The following SPINDOC variants were observed in gnomAD, a reference collection of about 807,000 sequenced individuals.
SPINDOC encodes the protein spindlin interactor and repressor of chromatin binding, also known as spindlin interactor and repressor of chromatin-binding protein.
SPINDOC carries 13 observed loss-of-function variants against 30.7 expected under a neutral mutation model. The observed-to-expected ratio is 0.42, with a 90% CI of 0.28 to 0.67. The LOEUF (loss-of-function observed/expected upper bound fraction) is 0.67, where lower values mean the gene tolerates loss of function less well. Among genes scored for constraint, SPINDOC ranks in the 30% least tolerant of loss-of-function variants. The pLI, the probability that SPINDOC is intolerant of heterozygous loss-of-function variation, is 0.22. For missense variants in SPINDOC, 438 were observed against 518.0 expected (o/e 0.85, Z 1.50); for synonymous variants, 228 against 211.4 (o/e 1.08, Z -0.68).
chr11:63,821,646 C>G (rs896509900), intron 5 of SPINDOC, among the ~76,000 whole-genome samples: 1 of 152,190 alleles, frequency 6.6e-6, no homozygotes, highest in Non-Finnish European at 1.5e-5. Flanking sequence ...GTGCACGTCT[C>G]CTTGTACCAA....
rs1248651479 is a variant in SPINDOC, at chr11:63,818,183, A to G, written c.458-33A>G. On this transcript the variant is annotated intron_variant, in intron 2 of 5. Coordinates refer to ENST00000294244, the MANE Select transcript of SPINDOC (RefSeq NM_138471.3). The surrounding 1 kb of genome is among the most constrained non-coding windows in gnomAD (Gnocchi z 5.3). ...AGGGAGAAGTCGGACTTGTTGGGGCACTAGAAGCTCATTGTGCTCTTGCTC... is the reference window on the plus strand; with the variant it reads ...AGGGAGAAGTCGGACTTGTTGGGGCGCTAGAAGCTCATTGTGCTCTTGCTC... 2.5e-6 allele frequency: 4 copies of G among 1,613,480 alleles called. No homozygotes were observed. The East Asian group carries it at 6.7e-5, about 27-fold the overall frequency.
intron 5 of SPINDOC, among the ~76,000 whole-genome samples, chr11:63,819,402 G>C (rs575783167): frequency 1.3e-5 from 2 of 151,530 alleles, no homozygotes; most frequent in African/African-American, 4.8e-5. Flanking sequence ...GTAGAGACAG[G>C]GTTTTCCCAT....
At chr11:63,822,647 A>G (rs1565078850) in intron 5 of SPINDOC, 3 of 1,288,902 alleles carry the variant, frequency 2.3e-6, no homozygotes, top group Non-Finnish European at 3.0e-6. Context: ...CTTGAGTCAC[A>G]TTCCAGTCCT....
Position 63,817,962 on chromosome 11 carries a change from C to T in SPINDOC, c.285C>T (p.Gly95=), listed in dbSNP as rs1229538990. ...GSGRALCMVC[G]AEIRAPSADT... ...GGCGGGCACTGTGCATGGTGTGTGG[C>T]GCTGAGATCCGGGCACCCTCGGCCG... The change falls in exon 2 of 6, where the codon GGC becomes GGT. Residue 95 remains glycine (G), a synonymous_variant. Transcript: ENST00000294244. 17 of 1,613,976 alleles carry T rather than the reference C, an allele frequency of 1.1e-5. No individual in the cohort carries two copies. Among genetic ancestry groups the T allele is most frequent in the Middle Eastern group, 1.6e-4 (1 of 6,084 alleles).
intron 1 of SPINDOC, among the ~76,000 whole-genome samples, chr11:63,816,166 G>C (rs2015334842): frequency 6.6e-6 from 1 of 152,174 alleles, no homozygotes; most frequent in Non-Finnish European, 1.5e-5. Context: ...GATGCATAAG[G>C]GGAATGGGGT....
intron 1 of SPINDOC, among the ~76,000 whole-genome samples, chr11:63,815,807 GC>G (rs1440041081): frequency 7.0e-6 from 1 of 142,358 alleles, no homozygotes; most frequent in African/African-American, 2.6e-5. Context: ...TGCTCTTTTT[GC>G]CCAAGCTGTA....
At chr11:63,816,043 G>A (rs1337308394) in intron 1 of SPINDOC, among the ~76,000 whole-genome samples, 1 of 152,180 alleles carries the variant, frequency 6.6e-6, no homozygotes. Context: ...CTAGGATTCA[G>A]GCGTGAGCCA....
intron 1 of SPINDOC, 112 bp downstream of exon 1, chr11:63,813,925 G>A: frequency 1.5e-6 from 2 of 1,321,122 alleles, no homozygotes; most frequent in African/African-American, 3.0e-5. Context: ...CTTCAGCCTT[G>A]GGGCCCAGGT....
At position 63,827,131 on chromosome 11, in the gene SPINDOC, G is replaced by A. The variant is rs1214088641; in HGVS notation, c.1138G>A (p.Gly380Arg). The change falls in exon 6 of 6, where the codon GGA becomes AGA. Residue 380 changes from glycine (G) to arginine (R), a missense_variant. Physicochemically the swap from Gly to Arg is moderately radical, Grantham distance 125. Around this residue, in one of 3 missense-constraint regions of SPINDOC, gnomAD observed 300 missense variants for 332.8 expected, o/e 0.90. Coordinates refer to ENST00000294244, the MANE Select transcript of SPINDOC (RefSeq NM_138471.3). ...GGCAGGGAAGCCGGAAAAAGGGAATGGAGTGTAAATTCTTGCTTTCCTGGG... is the reference window on the plus strand; with the variant it reads ...GGCAGGGAAGCCGGAAAAAGGGAATAGAGTGTAAATTCTTGCTTTCCTGGG... Reference protein sequence around the residue: ...TVAGKPEKGNGV With the variant: ...TVAGKPEKGNRV 7 of 1,613,934 alleles carry A rather than the reference G, an allele frequency of 4.3e-6. No homozygotes were observed. The highest frequency in any genetic ancestry group is 1.7e-5 in the Admixed American group (1 of 60,004).
At chr11:63,822,461 CACTGCTAT>C (rs895022812) in intron 5 of SPINDOC, 2 of 514,666 alleles carry the variant, frequency 3.9e-6, no homozygotes, top group Non-Finnish European at 6.8e-6. Context: ...TCTTTGTGTT[CACTGCTAT>C]ACCACTCTTA....
intron 5 of SPINDOC, chr11:63,822,505 GCTCT>G: frequency 1.2e-6 from 1 of 843,926 alleles, no homozygotes; most frequent in Non-Finnish European, 1.7e-6. Flanking sequence ...TTCAGAGAGA[GCTCT>G]CTGTGTGTTT....
chr11:63,827,528 C>T lies in SPINDOC; in HGVS notation c.*389C>T, dbSNP rs769011961. ...GGGTTTGAACTGAGTCCCACTACCT[C>T]GGGGGACACCTCTCCTCCCCACTTG... On this transcript the variant is annotated 3_prime_UTR_variant, in exon 6 of 6. Coordinates refer to ENST00000294244, the MANE Select transcript of SPINDOC (RefSeq NM_138471.3). 16 of 245,600 alleles carry T rather than the reference C, an allele frequency of 6.5e-5. No individual in the cohort carries two copies. Among genetic ancestry groups the T allele is most frequent in the South Asian group, 1.3e-4 (2 of 15,620 alleles). 15.2% of individuals were successfully genotyped at this position (245,600 alleles called of 1,614,324 possible).
At chr11:63,825,782 C>T (rs2015641389) in intron 5 of SPINDOC, among the ~76,000 whole-genome samples, 1 of 152,136 alleles carries the variant, frequency 6.6e-6, no homozygotes, top group South Asian at 2.1e-4. Context: ...AATTCCAGCA[C>T]ATCGCACAGC....
Position 63,818,917 on chromosome 11 carries a change from G to A in SPINDOC, c.849G>A (p.Gln283=). The A allele has an allele frequency of 6.2e-7, 1 of 1,614,174 alleles. No homozygotes were observed. The highest frequency in any genetic ancestry group is 8.5e-7 in the Non-Finnish European group (1 of 1,180,050). The part of the protein sequence containing the change: ...GFVLQLFSHT[Q]LRGPDSKDSP... ...TCTTGCAGCTCTTCTCCCACACCCA[G>A]CTCAGGGGCCCAGACAGCAAGGACT... Residue 283 remains glutamine (Q), a synonymous_variant, in exon 5 of 6, where the codon CAG becomes CAA. Coordinates refer to ENST00000294244, the MANE Select transcript of SPINDOC (RefSeq NM_138471.3). The surrounding 1 kb of genome is among the most constrained non-coding windows in gnomAD (Gnocchi z 5.3).
intron 5 of SPINDOC, 39 bp from the exon 6 acceptor site, chr11:63,826,888 TG>T (rs772214848): frequency 5.9e-6 from 6 of 1,023,290 alleles, no homozygotes; most frequent in African/African-American, 1.6e-5. Flanking sequence ...GTGGGGTGTC[TG>T]GGGGGCTCTG....
intron 5 of SPINDOC, chr11:63,823,071 A>C: frequency 8.4e-7 from 1 of 1,197,178 alleles, no homozygotes; most frequent in Non-Finnish European, 1.1e-6. Context: ...CCTGTGCCCG[A>C]GGGAGGCACC....
rs2015393842 is a variant in SPINDOC, at chr11:63,818,063, T to A, written c.386T>A (p.Leu129Gln). 1 of 1,614,016 alleles carries A rather than the reference T, an allele frequency of 6.2e-7. No homozygotes were observed. The highest frequency in any genetic ancestry group is 1.1e-5 in the South Asian group (1 of 91,084). The change falls in exon 2 of 6, where the codon CTG becomes CAG. Residue 129 changes from leucine to glutamine, a missense_variant. By Grantham distance (113) the Leu-to-Gln change is moderately radical (BLOSUM62 -2). Transcript: ENST00000294244. The surrounding 1 kb of genome is among the most constrained non-coding windows in gnomAD (Gnocchi z 5.3). ...AGCCCTTCTGAGAAGAGCAATATCC[T>A]GGAGGCCTGGAGTGAAGGGGTGGCC... The part of the protein sequence containing the change: ...DLSPSEKSNI[L>Q]EAWSEGVALL...
intron 5 of SPINDOC, among the ~76,000 whole-genome samples, chr11:63,826,163 T>G (rs1721239290): frequency 6.6e-6 from 1 of 152,178 alleles, no homozygotes; most frequent in Non-Finnish European, 1.5e-5. Context: ...CTCAAACTCC[T>G]GACCTCAAGT....
Position 63,813,657 on chromosome 11 carries a change from C to T in SPINDOC, c.-30C>T, listed in dbSNP as rs190647253. 3 of 1,517,654 alleles carry T rather than the reference C, an allele frequency of 2.0e-6. No homozygotes were observed. Among genetic ancestry groups the T allele is most frequent in the African/African-American group, 1.4e-5 (1 of 69,912 alleles). The allele number at this position is 1,517,654 out of a possible 1,614,324, so 94.0% of individuals were successfully genotyped here. On this transcript the variant is annotated 5_prime_UTR_variant, in exon 1 of 6. Coordinates refer to ENST00000294244, the MANE Select transcript of SPINDOC (RefSeq NM_138471.3). The stretch of plus-strand genomic sequence containing the variant: ...GCGCCGAAGCCTGCGCGCCAGTCCT[C>T]CGGCCACTGCTATCGCCCACGGCCG...
Sources: allele counts gnomAD v4.1 joint callset (sites outside exome capture counted in the v4.1 genomes callset), GRCh38; gene constraint gnomAD v4.1.1; regional missense constraint gnomAD v4.1.1; non-coding constraint Gnocchi (gnomAD v3.1); transcripts MANE v1.5; gene names NCBI Gene and HGNC (gene_info 2026-07-23, HGNC 2026-07-21).